The following SCNN1B variants were observed in gnomAD, a reference collection of about 807,000 sequenced individuals.
SCNN1B encodes the protein sodium channel epithelial 1 subunit beta, also known as epithelial sodium channel subunit beta.
In SCNN1B, 46 loss-of-function variants were observed where a neutral mutation model predicts 65.3. The ratio of observed to expected loss-of-function variants is 0.70; its 90% CI spans 0.56 to 0.90. The LOEUF is 0.90. SCNN1B is among the 40% of genes least tolerant of loss of function. SCNN1B has a pLI of 0.00. For missense variants in SCNN1B, 751 were observed against 830.5 expected (o/e 0.90, Z 1.18); for synonymous variants, 349 against 330.6 (o/e 1.06, Z -0.60).
intron 1 of SCNN1B, among the ~76,000 whole-genome samples, chr16:23,311,458 C>T (rs551221889): frequency 3.9e-5 from 6 of 152,316 alleles, no homozygotes; most frequent in African/African-American, 9.6e-5. Context: ...TCTCACCCAC[C>T]GGCTGATTCT....
At chr16:23,307,565 C>A (rs76620103) in intron 1 of SCNN1B, among the ~76,000 whole-genome samples, 2 of 152,002 alleles carry the variant, frequency 1.3e-5, no homozygotes, top group African/African-American at 4.8e-5. Context: ...GGTGATCTGC[C>A]CACCTCGGAC....
intron 1 of SCNN1B, among the ~76,000 whole-genome samples, chr16:23,317,121 A>T (rs994344943): frequency 4.6e-5 from 7 of 152,224 alleles, no homozygotes; most frequent in African/African-American, 1.7e-4. Context: ...TAGCTCTGCC[A>T]CTTTTGAGCT....
At chr16:23,293,449 G>A (rs1016998883) in intron 2 of SCNN1B, among the ~76,000 whole-genome samples, 3 of 152,068 alleles carry the variant, frequency 2.0e-5, no homozygotes, top group South Asian at 4.1e-4. Context: ...CCACTTATAC[G>A]AGGTCCCTAA....
At chr16:23,376,229 G>A (rs745817328) in intron 8 of SCNN1B, among the ~76,000 whole-genome samples, 15 of 152,238 alleles carry the variant, frequency 9.9e-5, no homozygotes, top group Non-Finnish European at 1.9e-4. Flanking sequence ...GCATTTCCAT[G>A]CTTGCGTCCA....
rs534533537 is a variant in SCNN1B at position 23,285,378 on chromosome 16, T to C, written n.178+1574T>C. ...GTAGAGGTAGGGCCTCGCTATGTTG[T>C]CCAGGCTGGTCTCAAACTCATGGCC... On this transcript the variant is annotated intron_variant and non_coding_transcript_variant, in intron 2 of 3. Coordinates refer to the SCNN1B transcript ENST00000569789. Among the ~76,000 whole-genome samples, 220 of 152,248 alleles carry C rather than the reference T, an allele frequency of 1.4e-3. 1 individual carries two copies. Among genetic ancestry groups the C allele is most frequent in the African/African-American group, 5.1e-3 (212 of 41,556 alleles).
At chr16:23,361,754 CTAAAGAGCTCTGTTTGGTTTTTTGGT>C in intron 4 of SCNN1B, among the ~76,000 whole-genome samples, 1 of 152,252 alleles carries the variant, frequency 6.6e-6, no homozygotes, top group East Asian at 1.9e-4. Context: ...AGCCATTTCT[CTAAAGAGCTCTGTTTGGTTTTTTGGT>C]TGTTTTGTTT....
intron 4 of SCNN1B, among the ~76,000 whole-genome samples, chr16:23,361,316 A>C (rs1328738195): frequency 6.6e-6 from 1 of 152,182 alleles, no homozygotes; most frequent in Non-Finnish European, 1.5e-5. Context: ...CTCCCTCCTC[A>C]GCCTCCAAAA....
intron 1 of SCNN1B, among the ~76,000 whole-genome samples, chr16:23,305,107 C>A (rs1217144036): frequency 6.6e-6 from 1 of 152,024 alleles, no homozygotes; most frequent in Non-Finnish European, 1.5e-5. Flanking sequence ...GAGATTTCCG[C>A]TTGTTGAGAG....
intron 2 of SCNN1B, among the ~76,000 whole-genome samples, chr16:23,296,046 A>T (rs1294246416): frequency 6.6e-6 from 1 of 152,188 alleles, no homozygotes; most frequent in Non-Finnish European, 1.5e-5. Context: ...AACAATGTGA[A>T]AAAACTGCCA....
chr16:23,377,593 CCCTT>C (rs773677959), intron 10 of SCNN1B, among the ~76,000 whole-genome samples: 22 of 136,532 alleles, frequency 1.6e-4, no homozygotes, highest in Non-Finnish European at 2.9e-4. Flanking sequence ...CCTCCCTTCT[CCCTT>C]CCTTCCTTCC....
At chr16:23,292,960 C>T (rs768388057) in intron 2 of SCNN1B, among the ~76,000 whole-genome samples, 1 of 151,188 alleles carries the variant, frequency 6.6e-6, no homozygotes, top group Non-Finnish European at 1.5e-5. Flanking sequence ...ACTAAAAATA[C>T]AAACATTAGC....
intron 6 of SCNN1B, 40 bp from the exon 7 acceptor site, chr16:23,371,736 G>A: frequency 6.6e-6 from 10 of 1,509,786 alleles, no homozygotes; most frequent in Non-Finnish European, 8.3e-6. Flanking sequence ...GGCTTCCTGG[G>A]GTGACCAGTG....
chr16:23,323,433 G>C, intron 1 of SCNN1B: 9 of 653,508 alleles, frequency 1.4e-5, no homozygotes, highest in Non-Finnish European at 2.5e-5. Flanking sequence ...ATGCAAATAA[G>C]AAGCCTCTCA....
intron 4 of SCNN1B, among the ~76,000 whole-genome samples, chr16:23,364,923 C>T (rs1004856924): frequency 1.2e-4 from 19 of 152,016 alleles, no homozygotes; most frequent in African/African-American, 4.1e-4. Context: ...GTCAGGAGTT[C>T]GAGACCAGCC....
intron 4 of SCNN1B, among the ~76,000 whole-genome samples, chr16:23,363,156 T>C (rs1174805513): frequency 6.6e-6 from 1 of 152,240 alleles, no homozygotes; most frequent in African/African-American, 2.4e-5. Flanking sequence ...TTGTAATTTA[T>C]TCATCAAATA....
chr16:23,374,268 GAA>G (rs1223701346), intron 7 of SCNN1B, among the ~76,000 whole-genome samples: 4,178 of 60,360 alleles, frequency 0.069, 359 homozygotes, highest in African/African-American at 0.22. Context: ...CCTGTCTCAG[GAA>G]AAAAAAAAAA....
At position 23,321,622 on chromosome 16, in the gene SCNN1B, C is replaced by A. The variant is rs188036531; in HGVS notation, c.-9+19185C>A. Among the ~76,000 whole-genome samples, 128 of 152,216 alleles carry A rather than the reference C, an allele frequency of 8.4e-4. 1 individual carries two copies. Among genetic ancestry groups the A allele is most frequent in the South Asian group, 1.2e-3 (6 of 4,814 alleles). ...CTGTCTATGCTGCAGAGGCAATGAC[C>A]CCCCGGAGCATTGACTCAAGGATTA... On this transcript the variant is annotated intron_variant, in intron 1 of 12. Transcript: ENST00000343070.
At chr16:23,355,168 C>T in intron 3 of SCNN1B, 131 bp from the exon 4 acceptor site, 2 of 848,242 alleles carry the variant, frequency 2.4e-6, no homozygotes, top group Non-Finnish European at 4.0e-6. Context: ...GAACGTTTCC[C>T]ACCACCAAGT....
At chr16:23,316,156 C>T (rs1303917782) in intron 1 of SCNN1B, among the ~76,000 whole-genome samples, 1 of 151,698 alleles carries the variant, frequency 6.6e-6, no homozygotes, top group Non-Finnish European at 1.5e-5. Flanking sequence ...CCATCATCAC[C>T]ATCACCACCA....
Sources: allele counts gnomAD v4.1 joint callset (sites outside exome capture counted in the v4.1 genomes callset), GRCh38; gene constraint gnomAD v4.1.1; transcripts MANE v1.5; gene names NCBI Gene and HGNC (gene_info 2026-07-23, HGNC 2026-07-21).